STXBP6: variants seen among roughly 807,000 people sequenced by gnomAD.
The protein encoded by STXBP6 is syntaxin binding protein 6, also known as syntaxin-binding protein 6.
STXBP6 carries 21 observed loss-of-function variants against 26.9 expected under a neutral mutation model. The observed-to-expected ratio is 0.78, with a 90% CI of 0.55 to 1.12. STXBP6 has a LOEUF of 1.12. Ranked by LOEUF, STXBP6 falls within the 50% of genes most tolerant of loss-of-function variation. The probability of loss-of-function intolerance (pLI) is 0.00; values close to 1 mark genes in which losing one functional copy is unlikely to be tolerated. For synonymous variants in STXBP6, 97 were observed against 92.6 expected, an observed-to-expected ratio of 1.05 and a Z score of -0.27; for missense variants, 232 against 257.9, an observed-to-expected ratio of 0.90 and a Z score of 0.69.
At chr14:24,896,071 T>C (rs557684566) in intron 2 of STXBP6, among the ~76,000 whole-genome samples, 7 of 152,260 alleles carry the variant, frequency 4.6e-5, no homozygotes, top group Non-Finnish European at 8.8e-5. Context: ...CTCAGAAACC[T>C]AAATACAGCA....
intron 2 of STXBP6, among the ~76,000 whole-genome samples, chr14:24,950,771 C>A (rs1040030684): frequency 1.3e-5 from 2 of 152,040 alleles, no homozygotes; most frequent in Admixed American, 6.6e-5. Context: ...ATTTTAAGTT[C>A]TGGGGTACAT....
chr14:24,850,887 G>A (rs569356290), intron 4 of STXBP6, among the ~76,000 whole-genome samples: 8 of 152,194 alleles, frequency 5.3e-5, no homozygotes, highest in African/African-American at 1.9e-4. Context: ...ATATGCTTCA[G>A]TTTATGCTTA....
intron 1 of STXBP6, among the ~76,000 whole-genome samples, chr14:25,007,201 T>C (rs2074922083): frequency 6.6e-6 from 1 of 152,204 alleles, no homozygotes; most frequent in African/African-American, 2.4e-5. Flanking sequence ...CAATAAACAT[T>C]TGTTGAACGA....
intron 2 of STXBP6, among the ~76,000 whole-genome samples, chr14:24,886,644 C>T (rs2070598494): frequency 1.3e-5 from 2 of 151,518 alleles, no homozygotes; most frequent in African/African-American, 4.9e-5. Context: ...TGTCATTTCA[C>T]ATTAACTTTA....
intron 2 of STXBP6, among the ~76,000 whole-genome samples, chr14:24,861,250 C>T (rs2069528808): frequency 6.6e-6 from 1 of 152,024 alleles, no homozygotes; most frequent in African/African-American, 2.4e-5. Flanking sequence ...TGGAGTCTAA[C>T]CACCAGACAT....
At chr14:24,899,776 A>G (rs2071136752) in intron 2 of STXBP6, among the ~76,000 whole-genome samples, 1 of 83,706 alleles carries the variant, frequency 1.2e-5, no homozygotes, top group African/African-American at 4.8e-5. Flanking sequence ...GCGAGACTAC[A>G]TTTCAAAAAA....
chr14:24,917,523 T>C (rs1295493778), intron 2 of STXBP6, among the ~76,000 whole-genome samples: 1 of 152,062 alleles, frequency 6.6e-6, no homozygotes, highest in Admixed American at 6.6e-5. Flanking sequence ...ATTAATTGCA[T>C]TTCAGTGCTG....
chr14:24,875,518 G>A (rs1003081928), intron 2 of STXBP6, among the ~76,000 whole-genome samples: 1 of 152,176 alleles, frequency 6.6e-6, no homozygotes, highest in African/African-American at 2.4e-5. Context: ...CTGTTGGGGT[G>A]GGGTAGCAAG....
intron 2 of STXBP6, among the ~76,000 whole-genome samples, chr14:24,940,803 C>G (rs1025283277): frequency 7.9e-5 from 12 of 152,230 alleles, no homozygotes; most frequent in South Asian, 6.2e-4. Context: ...ATCACAAGGT[C>G]AGGAGTTCAA....
At chr14:24,965,992 A>C (rs566295575) in intron 2 of STXBP6, among the ~76,000 whole-genome samples, 1 of 152,340 alleles carries the variant, frequency 6.6e-6, no homozygotes. Flanking sequence ...CAGCTGCCTT[A>C]GTTTGCAATC....
chr14:24,907,085 A>G (rs1056659882), intron 2 of STXBP6, among the ~76,000 whole-genome samples: 4 of 152,142 alleles, frequency 2.6e-5, no homozygotes, highest in Non-Finnish European at 5.9e-5. Flanking sequence ...TGGAAGGAAT[A>G]TGTTCTAGTG....
intron 2 of STXBP6, among the ~76,000 whole-genome samples, chr14:24,884,977 G>A (rs2070519163): frequency 6.6e-6 from 1 of 152,146 alleles, no homozygotes; most frequent in Admixed American, 6.5e-5. Flanking sequence ...AAACACAAGA[G>A]ACTGCTTTTC....
At chr14:24,974,926 G>T in intron 1 of STXBP6, 76 bp from the exon 2 acceptor site, 1 of 901,252 alleles carries the variant, frequency 1.1e-6, no homozygotes, top group Non-Finnish European at 1.5e-6. Flanking sequence ...AGCAGCAAGT[G>T]AATTTGCAGG....
intron 1 of STXBP6, among the ~76,000 whole-genome samples, chr14:25,022,781 T>C (rs988030092): frequency 5.9e-5 from 9 of 152,206 alleles, no homozygotes; most frequent in Non-Finnish European, 1.0e-4. Flanking sequence ...ACCATCTCTA[T>C]ACTGAAAATG....
chr14:24,867,911 T>C (rs1330754448), intron 2 of STXBP6, among the ~76,000 whole-genome samples: 2 of 152,200 alleles, frequency 1.3e-5, no homozygotes, highest in Non-Finnish European at 2.9e-5. Flanking sequence ...GATAAACTTG[T>C]ATCTGCCGGG....
intron 2 of STXBP6, among the ~76,000 whole-genome samples, chr14:24,952,438 T>C (rs1365692815): frequency 6.6e-6 from 1 of 152,186 alleles, no homozygotes; most frequent in Non-Finnish European, 1.5e-5. Flanking sequence ...CAAAGGTCAT[T>C]GCTAAATTTT....
intron 2 of STXBP6, among the ~76,000 whole-genome samples, chr14:24,915,760 G>C (rs1052043661): frequency 2.6e-5 from 4 of 152,010 alleles, no homozygotes; most frequent in East Asian, 1.9e-4. Context: ...ATGAATGAAT[G>C]AATCAATCAA....
At chr14:24,960,902 C>T (rs1421495126) in intron 2 of STXBP6, among the ~76,000 whole-genome samples, 4 of 152,206 alleles carry the variant, frequency 2.6e-5, no homozygotes, top group Admixed American at 1.3e-4. Context: ...CCCACTTCAA[C>T]CAAAGTCAAA....
intron 1 of STXBP6, among the ~76,000 whole-genome samples, chr14:25,013,701 A>G (rs1244930847): frequency 6.6e-6 from 1 of 151,870 alleles, no homozygotes; most frequent in African/African-American, 2.4e-5. Context: ...AAATCCAGCC[A>G]GTGGGAAAAA....
Sources: allele counts gnomAD v4.1 joint callset (sites outside exome capture counted in the v4.1 genomes callset), GRCh38; gene constraint gnomAD v4.1.1; transcripts MANE v1.5; gene names NCBI Gene and HGNC (gene_info 2026-07-23, HGNC 2026-07-21).